The following NWD1 variants were observed in gnomAD, a reference collection of about 807,000 sequenced individuals.
NWD1 encodes NACHT domain- and WD repeat-containing protein 1.
A neutral mutation model predicts 135.1 loss-of-function variants in NWD1; 129 were observed. The observed-to-expected ratio is 0.96, with a 90% CI of 0.83 to 1.11. The LOEUF is 1.11. Ranked by LOEUF, NWD1 falls within the 50% of genes least tolerant of loss-of-function variation. The probability of loss-of-function intolerance (pLI) is 0.00; values close to 1 mark genes in which losing one functional copy is unlikely to be tolerated. For missense variants in NWD1, 1,740 were observed against 1,851.3 expected, an observed-to-expected ratio of 0.94 and a Z score of 1.10; for synonymous variants, 773 against 786.0, an observed-to-expected ratio of 0.98 and a Z score of 0.28.
At chr19:16,741,610 C>T (rs947135890) in intron 4 of NWD1, among the ~76,000 whole-genome samples, 1 of 151,744 alleles carries the variant, frequency 6.6e-6, no homozygotes, top group Admixed American at 6.6e-5. Context: ...CTCAGGTGAT[C>T]CACCTGCCTC....
chr19:16,788,910 C>T (rs1970146721), intron 12 of NWD1, 72 bp from the exon 13 acceptor site: 1 of 993,720 alleles, frequency 1.0e-6, no homozygotes, highest in African/African-American at 1.6e-5. Flanking sequence ...TCCAAGCTGA[C>T]AAGCATTTTA....
chr19:16,776,076 G>A (rs1010920925), intron 11 of NWD1, among the ~76,000 whole-genome samples: 4 of 152,300 alleles, frequency 2.6e-5, no homozygotes, highest in Admixed American at 6.6e-5. Context: ...GGCACAAATC[G>A]CACATAGTGC....
At chr19:16,775,839 T>A in intron 11 of NWD1, among the ~76,000 whole-genome samples, 1 of 152,020 alleles carries the variant, frequency 6.6e-6, no homozygotes, top group East Asian at 1.9e-4. Context: ...GGCTAATTTT[T>A]GTATTCTTGG....
intron 6 of NWD1, among the ~76,000 whole-genome samples, chr19:16,758,897 A>G (rs1300189144): frequency 6.7e-6 from 1 of 149,904 alleles, no homozygotes; most frequent in Non-Finnish European, 1.5e-5. Flanking sequence ...CCAGCTACTC[A>G]GGAGACTGAG....
rs1568362705 is a variant in NWD1, at chr19:16,763,955, G to T, written c.2251+10G>T. 1 of 1,545,696 alleles carries T rather than the reference G, an allele frequency of 6.5e-7. No homozygotes were observed. The highest frequency in any genetic ancestry group is 1.7e-5 in the Admixed American group (1 of 59,926). ...AAACAGGAGGTTCTGGGTAAGGGCT[G>T]CCCCCCATCTCAGAGGACCGAGCCT... On this transcript the variant is annotated intron_variant, in intron 9 of 18. Coordinates refer to ENST00000524140, the MANE Select transcript of NWD1 (RefSeq NM_001007525.5).
intron 18 of NWD1, chr19:16,812,921 G>C: frequency 1.3e-6 from 1 of 774,990 alleles, no homozygotes; most frequent in Non-Finnish European, 2.4e-6. Context: ...CTGGGTCCTG[G>C]GCATTAGAGG....
In NWD1 at chr19:16,754,800, A is replaced by G. The variant is rs7251510; in HGVS notation, c.1769+4389A>G. On this transcript the variant is annotated intron_variant, in intron 6 of 18. Coordinates refer to ENST00000524140, the MANE Select transcript of NWD1 (RefSeq NM_001007525.5). Reference sequence around the variant, plus strand: ...CACCTATCATCTCTATCATCCATCCATCCATCCATCCATCCATCCACACAT... The same window carrying G: ...CACCTATCATCTCTATCATCCATCCGTCCATCCATCCATCCATCCACACAT... Among the ~76,000 whole-genome samples the G allele has an allele frequency of 9.6e-3, 1,410 of 147,338 alleles. 22 individuals carry two copies. Among genetic ancestry groups the G allele is most frequent in the African/African-American group, 0.034 (1,343 of 39,478 alleles).
chr19:16,728,440 ATGTCTGACT>A (rs1366580516), intron 2 of NWD1, among the ~76,000 whole-genome samples: 2 of 151,760 alleles, frequency 1.3e-5, no homozygotes, highest in African/African-American at 4.8e-5. Flanking sequence ...ACCTGCCACC[ATGTCTGACT>A]AATTTTTGTA....
chr19:16,767,377 G>A (rs1969262299), intron 10 of NWD1, among the ~76,000 whole-genome samples: 1 of 152,138 alleles, frequency 6.6e-6, no homozygotes, highest in East Asian at 1.9e-4. Context: ...CACTTTGGGA[G>A]GCCGAGGCAG....
At chr19:16,729,393 C>T (rs559575463) in intron 2 of NWD1, among the ~76,000 whole-genome samples, 1 of 152,086 alleles carries the variant, frequency 6.6e-6, no homozygotes, top group African/African-American at 2.4e-5. Flanking sequence ...ATCACTCTCA[C>T]GGTTCCCTCT....
intron 6 of NWD1, among the ~76,000 whole-genome samples, chr19:16,757,135 A>G (rs1263992429): frequency 1.3e-5 from 2 of 152,162 alleles, no homozygotes; most frequent in African/African-American, 4.8e-5. Context: ...AGTGTGATGC[A>G]CTTGATCATC....
intron 12 of NWD1, among the ~76,000 whole-genome samples, chr19:16,786,980 T>G (rs996694351): frequency 6.6e-6 from 1 of 152,186 alleles, no homozygotes; most frequent in Non-Finnish European, 1.5e-5. Flanking sequence ...TGCAAATATT[T>G]CCTCCACATC....
rs1455974080 is a variant in NWD1 at position 16,807,855 on chromosome 19, A to G, written c.4006A>G (p.Ile1336Val). The stretch of plus-strand genomic sequence containing the variant: ...CACCTCCGGGGACCCCTGCCCGGTC[A>G]TCGATGGGCCAAGATACACCTTTTA... ...DITSGDPCPV[I>V]DGPRYTFYTQ... Residue 1336 changes from isoleucine to valine, a missense_variant, in exon 18 of 19, where the codon ATC becomes GTC. By Grantham distance (29) the Ile-to-Val change is conservative. Coordinates refer to ENST00000524140, the MANE Select transcript of NWD1 (RefSeq NM_001007525.5). 3.7e-6 allele frequency: 6 copies of G among 1,614,020 alleles called. No individual in the cohort carries two copies. Among genetic ancestry groups the G allele is most frequent in the African/African-American group, 2.7e-5 (2 of 74,902 alleles).
chr19:16,772,949 C>T (rs1054391513), intron 10 of NWD1, among the ~76,000 whole-genome samples, 177 bp from the exon 11 acceptor site: 2 of 152,078 alleles, frequency 1.3e-5, no homozygotes, highest in Non-Finnish European at 2.9e-5. Flanking sequence ...GCCTCTGAAG[C>T]AAGGGTAAGT....
intron 12 of NWD1, among the ~76,000 whole-genome samples, chr19:16,784,609 C>CT (rs1051891331): frequency 1.3e-5 from 2 of 151,860 alleles, no homozygotes; most frequent in African/African-American, 4.8e-5. Context: ...AATCATGAGG[C>CT]TGGAGCTCCA....
chr19:16,798,952 A>AAG (rs1970508761), intron 16 of NWD1, among the ~76,000 whole-genome samples: 1 of 151,290 alleles, frequency 6.6e-6, no homozygotes, highest in Non-Finnish European at 1.5e-5. Context: ...AAAAAAAAAA[A>AAG]CATTAAAAGT....
chr19:16,735,526 A>C (rs1967758299), intron 3 of NWD1, among the ~76,000 whole-genome samples: 1 of 151,030 alleles, frequency 6.6e-6, no homozygotes. Context: ...AAAAAAAAGA[A>C]AGAAAGAAAG....
chr19:16,765,293 A>C, intron 10 of NWD1, 101 bp downstream of exon 10: 3 of 1,121,942 alleles, frequency 2.7e-6, no homozygotes, highest in Non-Finnish European at 3.8e-6. Context: ...ATCAATTCTC[A>C]TACCTTTCCT....
intron 2 of NWD1, among the ~76,000 whole-genome samples, chr19:16,729,251 G>A (rs778253647): frequency 1.8e-4 from 27 of 152,006 alleles, no homozygotes; most frequent in Admixed American, 3.9e-4. Flanking sequence ...CAGCTGCATG[G>A]CCCTGTGTGA....
Sources: gnomAD v4.1 joint callset for allele counts (sites outside exome capture counted in the v4.1 genomes callset) on GRCh38, gnomAD v4.1.1 for gene constraint, MANE v1.5 for transcripts, NCBI Gene and HGNC (gene_info 2026-07-23, HGNC 2026-07-21) for gene names.